The following TTC28 variants were observed in gnomAD, a reference collection of about 807,000 sequenced individuals.
TTC28 encodes tetratricopeptide repeat domain 28.
Under a neutral mutation model 198.0 loss-of-function variants are expected in TTC28, and 61 were observed. That is an observed-to-expected ratio of 0.31 (90% CI 0.25 to 0.38). The LOEUF is 0.38. Among genes scored for constraint, TTC28 ranks in the 10% least tolerant of loss-of-function variants. The pLI is 1.00. For missense variants in TTC28, 2,678 were observed against 3,164.0 expected (o/e 0.85, Z 3.69); for synonymous variants, 1,171 against 1,297.8 (o/e 0.90, Z 2.10).
intron 2 of TTC28, among the ~76,000 whole-genome samples, chr22:28,401,343 C>T (rs557920844): frequency 2.4e-4 from 37 of 152,192 alleles, no homozygotes; most frequent in African/African-American, 7.0e-4. Flanking sequence ...GGGCCAGGCA[C>T]GGTGGCTCAT....
At chr22:28,274,976 TAAAAAAAAAAAA>T (rs34582010) in intron 5 of TTC28, among the ~76,000 whole-genome samples, 2 of 77,890 alleles carry the variant, frequency 2.6e-5, no homozygotes, top group East Asian at 4.2e-4. Context: ...GAGACTGTCT[TAAAAAAAAAAAA>T]AAAAAAAAAA....
chr22:28,530,092 C>T (rs929939210), intron 2 of TTC28, among the ~76,000 whole-genome samples: 10 of 152,150 alleles, frequency 6.6e-5, no homozygotes, highest in East Asian at 1.9e-4. Flanking sequence ...TTCAGATGAT[C>T]GGTAGTAACA....
intron 3 of TTC28, among the ~76,000 whole-genome samples, chr22:28,299,080 G>C (rs761317786): frequency 4.6e-5 from 7 of 152,064 alleles, no homozygotes; most frequent in Non-Finnish European, 8.8e-5. Flanking sequence ...AGCTAAGTTT[G>C]AACGTAGATA....
At chr22:28,456,216 TA>T (rs1159046119) in intron 2 of TTC28, among the ~76,000 whole-genome samples, 22 of 145,728 alleles carry the variant, frequency 1.5e-4, no homozygotes, top group South Asian at 2.2e-4. Flanking sequence ...ATTCCGCCAC[TA>T]AAAAAAAAAT....
intron 2 of TTC28, among the ~76,000 whole-genome samples, chr22:28,430,559 T>C (rs984214200): frequency 7.2e-5 from 11 of 152,114 alleles, no homozygotes; most frequent in Admixed American, 6.5e-4. Context: ...AAAGATAAAC[T>C]AGTCAAATGT....
At chr22:28,407,862 T>C (rs1005018573) in intron 2 of TTC28, among the ~76,000 whole-genome samples, 1 of 152,222 alleles carries the variant, frequency 6.6e-6, no homozygotes, top group African/African-American at 2.4e-5. Context: ...GGATCTGGCA[T>C]TATGCCAAGT....
intron 5 of TTC28, among the ~76,000 whole-genome samples, chr22:28,255,646 A>C (rs887748472): frequency 3.3e-5 from 5 of 151,168 alleles, no homozygotes; most frequent in Non-Finnish European, 5.9e-5. Flanking sequence ...GTGCCATTAC[A>C]TTCCAGCCTG....
At chr22:28,138,687 A>G (rs977547452) in intron 6 of TTC28, among the ~76,000 whole-genome samples, 3 of 152,232 alleles carry the variant, frequency 2.0e-5, no homozygotes, top group Admixed American at 2.0e-4. Flanking sequence ...CAACTTGTCC[A>G]TAGAAAACCC....
At chr22:28,192,209 C>A (rs1366229039) in intron 5 of TTC28, among the ~76,000 whole-genome samples, 1 of 152,216 alleles carries the variant, frequency 6.6e-6, no homozygotes, top group African/African-American at 2.4e-5. Context: ...CAAACTCCAA[C>A]AGACTTGCAG....
chr22:28,484,758 A>G (rs2048296398), intron 2 of TTC28, among the ~76,000 whole-genome samples: 1 of 152,210 alleles, frequency 6.6e-6, no homozygotes, highest in East Asian at 1.9e-4. Context: ...AAGAGGAATA[A>G]GTAAGCAGAA....
At chr22:28,036,741 G>A (rs1204868385) in intron 12 of TTC28, among the ~76,000 whole-genome samples, 2 of 151,964 alleles carry the variant, frequency 1.3e-5, no homozygotes, top group Admixed American at 1.3e-4. Flanking sequence ...CTGGTTTTTT[G>A]GAAGGATCAA....
intron 12 of TTC28, among the ~76,000 whole-genome samples, chr22:28,053,203 G>C (rs1327654116): frequency 2.0e-5 from 3 of 152,252 alleles, no homozygotes; most frequent in Non-Finnish European, 4.4e-5. Flanking sequence ...AGCTGTGTGA[G>C]GCAGAGGCTT....
At chr22:28,636,154 T>TTTTTTTTTTTTTTTTTTTTTTTG (rs2051267483) in intron 1 of TTC28, among the ~76,000 whole-genome samples, 1 of 143,886 alleles carries the variant, frequency 6.9e-6, no homozygotes. Context: ...TTTTTTTTTT[T>TTTTTTTTTTTTTTTTTTTTTTTG]GAGCTCTGTT....
intron 5 of TTC28, among the ~76,000 whole-genome samples, chr22:28,169,508 A>C (rs551683102): frequency 6.6e-6 from 1 of 152,172 alleles, no homozygotes; most frequent in East Asian, 1.9e-4. Flanking sequence ...AGGATGAGTC[A>C]TGTCCTTTGT....
intron 2 of TTC28, among the ~76,000 whole-genome samples, chr22:28,423,035 A>G (rs1389216381): frequency 6.6e-6 from 1 of 152,184 alleles, no homozygotes; most frequent in Admixed American, 6.5e-5. Flanking sequence ...TCTGTCATGT[A>G]AAAGTTTTTA....
intron 2 of TTC28, among the ~76,000 whole-genome samples, chr22:28,518,435 G>A (rs1239545070): frequency 2.6e-5 from 4 of 152,056 alleles, no homozygotes; most frequent in Non-Finnish European, 5.9e-5. Flanking sequence ...GGGCAACATG[G>A]CAGGGCCTCA....
chr22:28,517,066 G>T (rs182761794), intron 2 of TTC28, among the ~76,000 whole-genome samples: 1 of 152,154 alleles, frequency 6.6e-6, no homozygotes, highest in Admixed American at 6.5e-5. Flanking sequence ...TTAGTAAATC[G>T]CAGAGCTAGG....
At chr22:28,312,223 T>G (rs1183408913) in intron 2 of TTC28, among the ~76,000 whole-genome samples, 1 of 152,028 alleles carries the variant, frequency 6.6e-6, no homozygotes, top group Non-Finnish European at 1.5e-5. Flanking sequence ...AGCAAGTTCT[T>G]AGAGACCTAC....
chr22:28,645,484 G>A (rs546609456), intron 1 of TTC28, among the ~76,000 whole-genome samples: 23 of 151,970 alleles, frequency 1.5e-4, no homozygotes, highest in Admixed American at 3.9e-4. Context: ...AAATTTAGCC[G>A]GGCGTGGTGG....
Sources: gnomAD v4.1 joint callset for allele counts (sites outside exome capture counted in the v4.1 genomes callset) on GRCh38, gnomAD v4.1.1 for gene constraint, MANE v1.5 for transcripts, NCBI Gene and HGNC (gene_info 2026-07-23, HGNC 2026-07-21) for gene names.